Variants in MGAT5 observed in about 807,000 individuals in gnomAD.
MGAT5 encodes the protein alpha-1,6-mannosylglycoprotein 6-beta-N-acetylglucosaminyltransferase A.
In MGAT5, 30 loss-of-function variants were observed where a neutral mutation model predicts 94.3. The ratio of observed to expected loss-of-function variants is 0.32; its 90% CI spans 0.24 to 0.43. The LOEUF (loss-of-function observed/expected upper bound fraction) is 0.43, where lower values mean the gene tolerates loss of function less well. Among genes scored for constraint, MGAT5 ranks in the 20% least tolerant of loss-of-function variants. The pLI is 1.00. For synonymous variants in MGAT5, 310 were observed against 322.9 expected, an observed-to-expected ratio of 0.96 and a Z score of 0.43; for missense variants, 691 against 905.5, an observed-to-expected ratio of 0.76 and a Z score of 3.04.
Position 134,346,717 on chromosome 2 carries a change from C to T in MGAT5, c.1112+1653C>T, listed in dbSNP as rs544748774. ...ATAATTGTAAATTTTGTCCAATTTA[C>T]GTAGGGACCTAGGAAATTCAATTAA... On this transcript the variant is annotated intron_variant, in intron 8 of 15. Transcript: ENST00000281923. Among the ~76,000 whole-genome samples the T allele has an allele frequency of 3.8e-3, 575 of 152,218 alleles. 3 individuals carry two copies. The highest frequency in any genetic ancestry group is 0.013 in the African/African-American group (555 of 41,544).
chr2:134,149,469 T>G (rs1018862430), intron 1 of MGAT5, among the ~76,000 whole-genome samples: 17 of 152,056 alleles, frequency 1.1e-4, no homozygotes, highest in African/African-American at 3.9e-4. Flanking sequence ...ATTTAGAGGC[T>G]CTACACCCAT....
intron 1 of MGAT5, among the ~76,000 whole-genome samples, chr2:134,246,239 A>C (rs1307228956): frequency 2.0e-5 from 3 of 149,810 alleles, no homozygotes; most frequent in Non-Finnish European, 3.0e-5. Flanking sequence ...TTTCTTGGGC[A>C]GCACCCTGCC....
chr2:134,416,658 G>A (rs982839510), intron 12 of MGAT5, among the ~76,000 whole-genome samples: 1 of 151,850 alleles, frequency 6.6e-6, no homozygotes, highest in African/African-American at 2.4e-5. Context: ...ATTTGGTAGA[G>A]ATGGGATCTC....
intron 4 of MGAT5, among the ~76,000 whole-genome samples, chr2:134,321,522 T>G (rs190043087): frequency 2.0e-5 from 3 of 152,186 alleles, no homozygotes; most frequent in Non-Finnish European, 4.4e-5. Context: ...GAGAGAAAAG[T>G]GAGGTTCTGG....
intron 1 of MGAT5, among the ~76,000 whole-genome samples, 164 bp downstream of exon 1, chr2:134,254,808 G>A (rs567277206): frequency 6.6e-6 from 1 of 152,042 alleles, no homozygotes; most frequent in South Asian, 2.1e-4. Context: ...TTAAAGCAAT[G>A]CCATTTTGGG....
chr2:134,146,888 C>T (rs1686946695), intron 1 of MGAT5, among the ~76,000 whole-genome samples: 1 of 152,166 alleles, frequency 6.6e-6, no homozygotes, highest in African/African-American at 2.4e-5. Flanking sequence ...TAAAAAGTCA[C>T]TCTGGAGTCA....
At chr2:134,292,659 G>C (rs1685445616) in intron 2 of MGAT5, among the ~76,000 whole-genome samples, 4 of 152,112 alleles carry the variant, frequency 2.6e-5, no homozygotes, top group Non-Finnish European at 5.9e-5. Flanking sequence ...TCATTACTAG[G>C]TGTGGTGGTG....
At chr2:134,345,819 T>C (rs1467380521) in intron 8 of MGAT5, among the ~76,000 whole-genome samples, 1 of 152,196 alleles carries the variant, frequency 6.6e-6, no homozygotes, top group East Asian at 1.9e-4. Flanking sequence ...AGTCTCAGCA[T>C]TCAGCAGGCA....
At chr2:134,444,979 TC>T (rs3842549) in intron 15 of MGAT5, among the ~76,000 whole-genome samples, 12,657 of 152,202 alleles carry the variant, frequency 0.083, 771 homozygotes, top group African/African-American at 0.16. Context: ...CAGGGTCCAT[TC>T]CAGTGGGGCC....
At position 134,203,782 on chromosome 2, in the gene MGAT5, T is replaced by G. The variant is rs549519437; in HGVS notation, c.-142-50480T>G. Among the ~76,000 whole-genome samples the G allele has an allele frequency of 1.1e-4, 17 of 152,314 alleles. No homozygotes were observed. In the East Asian group the frequency reaches 2.9e-3, roughly 26 times the overall value. On this transcript the variant is annotated intron_variant, in intron 1 of 16. Transcript: ENST00000409645. ...AGGATGAATTGTATTCATTTTTTCC[T>G]TCTGACTTTAAAAGAAAGAAAATTC...
chr2:134,122,127 G>A (rs1413439815), intron 1 of MGAT5, among the ~76,000 whole-genome samples: 1 of 150,772 alleles, frequency 6.6e-6, no homozygotes, highest in African/African-American at 2.4e-5. Flanking sequence ...TTTTAAAGAT[G>A]GAGTTTTGCT....
chr2:134,419,087 C>T (rs892509308), intron 12 of MGAT5, among the ~76,000 whole-genome samples: 1 of 152,212 alleles, frequency 6.6e-6, no homozygotes, highest in South Asian at 2.1e-4. Context: ...TACATAATTA[C>T]AAAACTATCT....
chr2:134,130,360 G>T, intron 1 of MGAT5, among the ~76,000 whole-genome samples: 1 of 152,154 alleles, frequency 6.6e-6, no homozygotes, highest in East Asian at 1.9e-4. Flanking sequence ...CTGCTGCGCC[G>T]GGTCCCATTG....
At chr2:134,128,229 AAGAG>A (rs1361094056) in intron 1 of MGAT5, among the ~76,000 whole-genome samples, 2 of 152,016 alleles carry the variant, frequency 1.3e-5, no homozygotes, top group African/African-American at 4.8e-5. Context: ...AAAAGAGAGA[AAGAG>A]AAGGAGAGAA....
At chr2:134,206,477 C>G (rs1005444432) in intron 1 of MGAT5, among the ~76,000 whole-genome samples, 2 of 152,310 alleles carry the variant, frequency 1.3e-5, no homozygotes, top group African/African-American at 2.4e-5. Flanking sequence ...AATTATTACA[C>G]TTAGTGGCTT....
At chr2:134,379,839 GA>G (rs1156532243) in intron 10 of MGAT5, among the ~76,000 whole-genome samples, 2 of 152,210 alleles carry the variant, frequency 1.3e-5, no homozygotes, top group African/African-American at 4.8e-5. Flanking sequence ...CATGGACAGG[GA>G]CAAATCAAGT....
intron 9 of MGAT5, among the ~76,000 whole-genome samples, chr2:134,360,322 A>C (rs1558823155): frequency 1.3e-5 from 2 of 152,190 alleles, no homozygotes; most frequent in Non-Finnish European, 2.9e-5. Context: ...AGCTAGGAGA[A>C]TCTTTCACAC....
At chr2:134,370,661 C>A (rs1328754963) in intron 10 of MGAT5, among the ~76,000 whole-genome samples, 1 of 152,286 alleles carries the variant, frequency 6.6e-6, no homozygotes, top group Non-Finnish European at 1.5e-5. Context: ...CCATGGTTAC[C>A]TGTGCCTGTT....
chr2:134,171,850 C>G (rs1457380420), intron 1 of MGAT5, among the ~76,000 whole-genome samples: 1 of 152,138 alleles, frequency 6.6e-6, no homozygotes. Flanking sequence ...GGTATTTGCT[C>G]TTGTCGGGGA....
Sources: gnomAD v4.1 joint callset for allele counts (sites outside exome capture counted in the v4.1 genomes callset) on GRCh38, gnomAD v4.1.1 for gene constraint, MANE v1.5 for transcripts, NCBI Gene and HGNC (gene_info 2026-07-23, HGNC 2026-07-21) for gene names.